CSMD3: variants seen among roughly 807,000 people sequenced by gnomAD.
The protein encoded by CSMD3 is CUB and sushi domain-containing protein 3.
In CSMD3, 177 loss-of-function variants were observed where a neutral mutation model predicts 435.2. The ratio of observed to expected loss-of-function variants is 0.41; its 90% CI spans 0.36 to 0.46. The LOEUF (loss-of-function observed/expected upper bound fraction) is 0.46, where lower values mean the gene tolerates loss of function less well. Ranked by LOEUF, CSMD3 falls within the 20% of genes least tolerant of loss-of-function variation. The probability of loss-of-function intolerance (pLI) is 0.34; values close to 1 mark genes in which losing one functional copy is unlikely to be tolerated. For synonymous variants in CSMD3, 1,656 were observed against 1,520.5 expected (o/e 1.09, Z -2.07); for missense variants, 4,265 against 4,504.6 (o/e 0.95, Z 1.52).
intron 22 of CSMD3, among the ~76,000 whole-genome samples, chr8:112,627,240 T>C (rs1394170921): frequency 2.6e-5 from 4 of 152,158 alleles, no homozygotes; most frequent in Non-Finnish European, 4.4e-5. Flanking sequence ...TTTTTCTTTT[T>C]TTCCAGCATA....
At chr8:112,398,277 G>C (rs6981814) in intron 35 of CSMD3, among the ~76,000 whole-genome samples, 119 of 152,086 alleles carry the variant, frequency 7.8e-4, no homozygotes, top group African/African-American at 2.8e-3. Flanking sequence ...CCACATTCTG[G>C]ACCTACTGGA....
chr8:112,364,088 A>C (rs539579623), intron 38 of CSMD3, among the ~76,000 whole-genome samples: 6 of 152,070 alleles, frequency 3.9e-5, no homozygotes, highest in Non-Finnish European at 8.8e-5. Context: ...CTAATGCATT[A>C]TCTCTTAAGC....
intron 11 of CSMD3, among the ~76,000 whole-genome samples, chr8:112,848,502 C>T (rs745694165): frequency 6.6e-6 from 1 of 152,050 alleles, no homozygotes; most frequent in Non-Finnish European, 1.5e-5. Flanking sequence ...TCCTTAAATA[C>T]TCAACATATC....
At chr8:113,277,515 C>G (rs2093580854) in intron 3 of CSMD3, among the ~76,000 whole-genome samples, 1 of 151,788 alleles carries the variant, frequency 6.6e-6, no homozygotes, top group Non-Finnish European at 1.5e-5. Context: ...TAAGACATTC[C>G]CTTACATGCA....
At position 112,588,738 on chromosome 8, in the gene CSMD3, T is replaced by C. The variant is rs559031130; in HGVS notation, c.3716-1503A>G. On this transcript the variant is annotated intron_variant, in intron 22 of 70. Coordinates refer to ENST00000297405, the MANE Select transcript of CSMD3 (RefSeq NM_198123.2). ...GCTGCTCCAGTGTAGGCTTTTGAAG[T>C]TTGTTATACCTTTAATTACTCTATG... 1.3e-4 allele frequency among the ~76,000 whole-genome samples: 20 copies of C among 152,216 alleles called. No homozygotes were observed. In the Middle Eastern group the frequency reaches 0.017, roughly 129 times the overall value.
At chr8:112,416,004 T>C (rs1190284180) in intron 32 of CSMD3, among the ~76,000 whole-genome samples, 1 of 152,158 alleles carries the variant, frequency 6.6e-6, no homozygotes, top group Non-Finnish European at 1.5e-5. Flanking sequence ...TTTGAACTTG[T>C]ACTTTTGGGT....
intron 13 of CSMD3, among the ~76,000 whole-genome samples, chr8:112,746,642 T>C (rs1010838535): frequency 6.6e-6 from 1 of 151,538 alleles, no homozygotes; most frequent in East Asian, 1.9e-4. Flanking sequence ...TAGTTATATA[T>C]ATTATTTATT....
chr8:113,302,258 A>G (rs1038261071), intron 2 of CSMD3, among the ~76,000 whole-genome samples: 1 of 131,068 alleles, frequency 7.6e-6, no homozygotes, highest in African/African-American at 2.9e-5. Flanking sequence ...TATATTATAT[A>G]AAATATATAT....
At chr8:112,700,552 T>C (rs1040693430) in intron 13 of CSMD3, among the ~76,000 whole-genome samples, 1 of 152,020 alleles carries the variant, frequency 6.6e-6, no homozygotes, top group African/African-American at 2.4e-5. Flanking sequence ...CAAATTCCCC[T>C]CTTTTTTATT....
intron 5 of CSMD3, among the ~76,000 whole-genome samples, chr8:113,094,566 A>G (rs1444374039): frequency 1.3e-5 from 2 of 152,160 alleles, no homozygotes; most frequent in East Asian, 3.9e-4. Flanking sequence ...TCACGCTACT[A>G]ATCTATTTAT....
At chr8:112,650,646 G>T (rs1252150099) in intron 18 of CSMD3, among the ~76,000 whole-genome samples, 1 of 151,892 alleles carries the variant, frequency 6.6e-6, no homozygotes, top group Non-Finnish European at 1.5e-5. Context: ...AATAATCATA[G>T]CAATAGTCAA....
chr8:112,673,886 T>C (rs758548138), intron 16 of CSMD3, among the ~76,000 whole-genome samples: 7 of 152,088 alleles, frequency 4.6e-5, no homozygotes, highest in Non-Finnish European at 1.0e-4. Flanking sequence ...AGTTCTTGCT[T>C]GAGTAAGCAT....
intron 31 of CSMD3, among the ~76,000 whole-genome samples, chr8:112,491,644 A>G (rs1485860346): frequency 6.6e-6 from 1 of 152,110 alleles, no homozygotes; most frequent in Non-Finnish European, 1.5e-5. Flanking sequence ...GCCAGACTCC[A>G]CCTCAAAAAC....
chr8:112,274,703 T>C (rs564833610), intron 59 of CSMD3, among the ~76,000 whole-genome samples: 1 of 152,036 alleles, frequency 6.6e-6, no homozygotes, highest in South Asian at 2.1e-4. Context: ...ATGAAACATA[T>C]GCACACAAAG....
intron 27 of CSMD3, among the ~76,000 whole-genome samples, chr8:112,549,323 C>T (rs1827470859): frequency 6.6e-6 from 1 of 151,702 alleles, no homozygotes; most frequent in African/African-American, 2.4e-5. Flanking sequence ...TAATTCGGAG[C>T]CATTTATATT....
chr8:112,605,964 T>C (rs1832760560), intron 22 of CSMD3, among the ~76,000 whole-genome samples: 1 of 152,142 alleles, frequency 6.6e-6, no homozygotes, highest in South Asian at 2.1e-4. Flanking sequence ...GCTCTGTACC[T>C]TACACTTAAA....
At chr8:112,948,136 A>G (rs2083680667) in intron 8 of CSMD3, among the ~76,000 whole-genome samples, 1 of 151,930 alleles carries the variant, frequency 6.6e-6, no homozygotes, top group Non-Finnish European at 1.5e-5. Context: ...AATATTTATC[A>G]CTTTTGTTTT....
rs10577337 is a variant in CSMD3, at chr8:112,270,343, AGTGTGTGTGTGTGTGTGTGTGT to A, written c.9509-4775_9509-4754del. 3.1e-3 allele frequency among the ~76,000 whole-genome samples: 391 copies of A among 124,296 alleles called. 4 individuals carry two copies. The highest frequency in any genetic ancestry group is 1.0e-2 in the African/African-American group (362 of 36,346). 81.5% of individuals were successfully genotyped at this position (124,296 alleles called of 152,430 possible). ...AGAATTTCTAAAAAACAGAGGGGTG[AGTGTGTGTGTGTGTGTGTGTGT>A]GTGTGTGTGTGTGTGTGTGTGTGTG... On this transcript the variant is annotated intron_variant, in intron 59 of 70. Coordinates refer to ENST00000297405, the MANE Select transcript of CSMD3 (RefSeq NM_198123.2).
intron 9 of CSMD3, among the ~76,000 whole-genome samples, chr8:112,926,854 G>A (rs1411772942): frequency 6.6e-6 from 1 of 151,990 alleles, no homozygotes; most frequent in African/African-American, 2.4e-5. Context: ...CTGCACTTTT[G>A]TTGTTATTAT....
Sources: allele counts gnomAD v4.1 joint callset (sites outside exome capture counted in the v4.1 genomes callset), GRCh38; gene constraint gnomAD v4.1.1; transcripts MANE v1.5; gene names NCBI Gene and HGNC (gene_info 2026-07-23, HGNC 2026-07-21).